Variants in SYBU observed in about 807,000 individuals in gnomAD.
The protein encoded by SYBU is syntabulin, also known as GOLSYN A protein.
In SYBU, 21 loss-of-function variants were observed where a neutral mutation model predicts 35.9. That is an observed-to-expected ratio of 0.58 (90% CI 0.41 to 0.84). SYBU has a LOEUF of 0.84. Ranked by LOEUF, SYBU falls within the 40% of genes least tolerant of loss-of-function variation. SYBU has a pLI of 0.00. For synonymous variants in SYBU, 319 were observed against 324.3 expected (o/e 0.98, Z 0.18); for missense variants, 768 against 848.2 (o/e 0.91, Z 1.17).
chr8:109,611,957 A>G (rs2130248687), intron 3 of SYBU, among the ~76,000 whole-genome samples: 1 of 152,352 alleles, frequency 6.6e-6, no homozygotes. Context: ...GGGCTCTACC[A>G]ACATTTTAAA....
At chr8:109,617,990 C>T (rs1284304983) in intron 3 of SYBU, among the ~76,000 whole-genome samples, 2 of 152,182 alleles carry the variant, frequency 1.3e-5, no homozygotes, top group African/African-American at 4.8e-5. Context: ...TCTGTAGCTC[C>T]TTGCACAATA....
intron 1 of SYBU, among the ~76,000 whole-genome samples, chr8:109,690,617 C>T (rs899391213): frequency 5.3e-5 from 8 of 152,128 alleles, no homozygotes; most frequent in Admixed American, 3.3e-4. Context: ...TCCGATTTTC[C>T]CCAGTAGCTT....
At chr8:109,647,601 A>AAG (rs1227211127), upstream of SYBU, 2 of 152,258 alleles carry the variant, frequency 1.3e-5, no homozygotes. Flanking sequence ...CATAACTGTC[A>AAG]AATGAATTAA....
At chr8:109,576,152 G>A in intron 6 of SYBU, 139 bp from the exon 7 acceptor site, 1 of 1,113,360 alleles carries the variant, frequency 9.0e-7, no homozygotes, top group Non-Finnish European at 1.2e-6. Flanking sequence ...ATACAGATGT[G>A]AAATCAGTTT....
chr8:109,664,140 G>C (rs1586974029), intron 1 of SYBU, among the ~76,000 whole-genome samples: 1 of 152,092 alleles, frequency 6.6e-6, no homozygotes, highest in South Asian at 2.1e-4. Flanking sequence ...TTATATAATG[G>C]CTCCAATTGA....
At chr8:109,585,828 G>A in intron 4 of SYBU, 1 of 536,026 alleles carries the variant, frequency 1.9e-6, no homozygotes, top group East Asian at 3.3e-5. Context: ...ATAGAGTCAA[G>A]GGTTGGATGG....
chr8:109,647,584 C>A (rs1163715454), upstream of SYBU: 3 of 152,216 alleles, frequency 2.0e-5, no homozygotes, highest in Admixed American at 6.5e-5. Context: ...ACAGTTGACA[C>A]TCAATACATA....
chr8:109,655,443 A>G (rs535102644), intron 1 of SYBU, among the ~76,000 whole-genome samples: 2 of 152,370 alleles, frequency 1.3e-5, no homozygotes, highest in African/African-American at 4.8e-5. Context: ...ATTCAAAAGA[A>G]TTTTTAAGTG....
chr8:109,681,387 G>A (rs577965223), upstream of SYBU, among the ~76,000 whole-genome samples: 95 of 152,272 alleles, frequency 6.2e-4, no homozygotes, highest in South Asian at 2.1e-3. Context: ...ACCTAGCAGT[G>A]CAACTTATTC....
intron 4 of SYBU, among the ~76,000 whole-genome samples, chr8:109,583,045 G>A (rs1034389741): frequency 4.6e-5 from 7 of 152,104 alleles, no homozygotes; most frequent in Admixed American, 4.6e-4. Context: ...TGCAGCCCTA[G>A]CAGACTAATA....
intron 1 of SYBU, among the ~76,000 whole-genome samples, chr8:109,668,117 G>A (rs1816822479): frequency 7.1e-6 from 1 of 141,550 alleles, no homozygotes. Context: ...TAGAATAAGG[G>A]AATAAGGGAG....
At chr8:109,682,523 T>A (rs919277591), upstream of SYBU, among the ~76,000 whole-genome samples, 1 of 152,216 alleles carries the variant, frequency 6.6e-6, no homozygotes, top group African/African-American at 2.4e-5. Context: ...TTGAGAGTGA[T>A]GATTTAGGGT....
chr8:109,608,462 T>G (rs1468747253), intron 3 of SYBU, among the ~76,000 whole-genome samples: 2 of 152,150 alleles, frequency 1.3e-5, no homozygotes, highest in African/African-American at 2.4e-5. Flanking sequence ...GAATTCCAGC[T>G]ATTTAAATAT....
At chr8:109,674,941 C>T (rs2130772325) in intron 1 of SYBU, among the ~76,000 whole-genome samples, 1 of 152,286 alleles carries the variant, frequency 6.6e-6, no homozygotes, top group East Asian at 1.9e-4. Flanking sequence ...ATAACAGTCT[C>T]TCAGACCACA....
intron 1 of SYBU, chr8:109,644,200 C>T (rs1005834374): frequency 4.3e-6 from 2 of 466,804 alleles, no homozygotes; most frequent in African/African-American, 2.0e-5. Flanking sequence ...TCGGATTCGC[C>T]CTGCACATCT....
intron 1 of SYBU, among the ~76,000 whole-genome samples, chr8:109,675,403 A>T (rs1277865790): frequency 6.6e-6 from 1 of 152,186 alleles, no homozygotes; most frequent in African/African-American, 2.4e-5. Flanking sequence ...CCAGACTAAT[A>T]AAGAATAAAA....
intron 3 of SYBU, among the ~76,000 whole-genome samples, chr8:109,599,435 A>G (rs1825257755): frequency 6.6e-6 from 1 of 152,232 alleles, no homozygotes; most frequent in South Asian, 2.1e-4. Context: ...TTCTTGACTC[A>G]TACTCCAGAT....
In SYBU at chr8:109,599,515, G is replaced by A. The variant is rs573719021; in HGVS notation, c.428-13353C>T. ...ACAAATTGCCCAGGTGATCTTCTACGCACAGTAATGTTGAGAAATCACTAC... is the reference window on the plus strand; with the variant it reads ...ACAAATTGCCCAGGTGATCTTCTACACACAGTAATGTTGAGAAATCACTAC... On this transcript the variant is annotated intron_variant, in intron 3 of 6. Transcript: ENST00000276646. Among the ~76,000 whole-genome samples, 4 of 152,214 alleles carry A rather than the reference G, an allele frequency of 2.6e-5. No individual in the cohort carries two copies. In the East Asian group the frequency reaches 5.8e-4, roughly 22 times the overall value.
chr8:109,579,218 C>A (rs1456492220), intron 5 of SYBU, among the ~76,000 whole-genome samples: 1 of 152,154 alleles, frequency 6.6e-6, no homozygotes, highest in African/African-American at 2.4e-5. Flanking sequence ...CCTGTCGTGG[C>A]CTCTTTGGAA....
Sources: allele counts gnomAD v4.1 joint callset (sites outside exome capture counted in the v4.1 genomes callset), GRCh38; gene constraint gnomAD v4.1.1; transcripts MANE v1.5; gene names NCBI Gene and HGNC (gene_info 2026-07-23, HGNC 2026-07-21).